Variants in PSD3 observed in about 807,000 individuals in gnomAD.
PSD3 encodes PH and SEC7 domain-containing protein 3.
In PSD3, 49 loss-of-function variants were observed where a neutral mutation model predicts 105.5. The ratio of observed to expected loss-of-function variants is 0.46; its 90% CI spans 0.37 to 0.59. The LOEUF (loss-of-function observed/expected upper bound fraction) is 0.59. Among genes scored for constraint, PSD3 ranks in the 20% least tolerant of loss-of-function variants. The pLI is 0.00. For missense variants in PSD3, 1,561 were observed against 1,263.8 expected, an observed-to-expected ratio of 1.24 and a Z score of -3.57; for synonymous variants, 557 against 457.8, an observed-to-expected ratio of 1.22 and a Z score of -2.77.
chr8:18,827,061 C>A (rs1253234802), intron 4 of PSD3, among the ~76,000 whole-genome samples: 1 of 152,158 alleles, frequency 6.6e-6, no homozygotes, highest in African/African-American at 2.4e-5. Context: ...AAGAGGAAAA[C>A]AAAGTTCTCT....
At chr8:19,013,012 A>C (rs927970949) in intron 1 of PSD3, among the ~76,000 whole-genome samples, 2 of 150,768 alleles carry the variant, frequency 1.3e-5, no homozygotes, top group African/African-American at 4.9e-5. Context: ...TAATGTGTTT[A>C]AAAAAAAAAT....
Position 18,904,311 on chromosome 8 carries a change from T to C in PSD3, c.131-31578A>G, listed in dbSNP as rs532613629. Among the ~76,000 whole-genome samples the C allele has an allele frequency of 7.2e-5, 11 of 152,286 alleles. 1 individual carries two copies. The East Asian group carries it at 1.9e-3, about 27-fold the overall frequency. ...GGGATCAACCTTATAGACCCCAGGA[T>C]TGTACAGCCACTGCCAGTGTGCACT... is the stretch of plus-strand genomic sequence containing the variant. On this transcript the variant is annotated intron_variant, in intron 2 of 15. Coordinates refer to ENST00000327040, the MANE Select transcript of PSD3 (RefSeq NM_015310.4).
chr8:18,552,324 G>A (rs1380968090), intron 15 of PSD3, among the ~76,000 whole-genome samples: 2 of 152,142 alleles, frequency 1.3e-5, no homozygotes, highest in Non-Finnish European at 2.9e-5. Context: ...CATCTTAAAC[G>A]TTGCATCTGT....
At chr8:19,006,731 A>G (rs1440700995) in intron 1 of PSD3, among the ~76,000 whole-genome samples, 1 of 151,976 alleles carries the variant, frequency 6.6e-6, no homozygotes, top group African/African-American at 2.4e-5. Context: ...TCACTTACCT[A>G]TCTTTAAAAC....
intron 2 of PSD3, among the ~76,000 whole-genome samples, chr8:18,893,675 T>C (rs537112174): frequency 2.6e-5 from 4 of 151,346 alleles, no homozygotes; most frequent in African/African-American, 9.7e-5. Context: ...AGCACATCCA[T>C]GTGCTAGAGG....
At chr8:18,542,766 CTT>C (rs201283808) in intron 15 of PSD3, among the ~76,000 whole-genome samples, 2,216 of 152,262 alleles carry the variant, frequency 0.015, 50 homozygotes, top group African/African-American at 0.051. Context: ...GTTGTTTAGT[CTT>C]CATAATGTAG....
At chr8:18,932,792 C>T (rs367730968) in intron 2 of PSD3, among the ~76,000 whole-genome samples, 15 of 152,328 alleles carry the variant, frequency 9.8e-5, no homozygotes, top group African/African-American at 3.1e-4. Context: ...CCAGGCTAGT[C>T]TTCCCCAGTT....
At chr8:18,934,541 G>C (rs1170200435) in intron 2 of PSD3, among the ~76,000 whole-genome samples, 1 of 152,090 alleles carries the variant, frequency 6.6e-6, no homozygotes, top group Non-Finnish European at 1.5e-5. Flanking sequence ...CTCCCGAGTA[G>C]CTGTGACTAC....
At chr8:19,063,178 G>C (rs1015352634) in intron 1 of PSD3, among the ~76,000 whole-genome samples, 5 of 152,202 alleles carry the variant, frequency 3.3e-5, no homozygotes, top group African/African-American at 1.2e-4. Flanking sequence ...AAACACTGTA[G>C]TTTCTGAATA....
At chr8:18,908,600 A>G (rs924143174) in intron 2 of PSD3, among the ~76,000 whole-genome samples, 4 of 152,176 alleles carry the variant, frequency 2.6e-5, no homozygotes, top group Non-Finnish European at 5.9e-5. Flanking sequence ...CATCTCAAAC[A>G]GTCTGTCTCC....
intron 4 of PSD3, among the ~76,000 whole-genome samples, chr8:18,844,599 GA>G (rs201515416): frequency 1.3e-5 from 2 of 150,344 alleles, no homozygotes; most frequent in African/African-American, 2.4e-5. Flanking sequence ...TGCTAAAAAA[GA>G]AAAAAAAATC....
At chr8:18,860,207 C>T (rs570408941) in intron 4 of PSD3, among the ~76,000 whole-genome samples, 22 of 152,154 alleles carry the variant, frequency 1.4e-4, no homozygotes, top group African/African-American at 5.1e-4. Context: ...AATCGGAACA[C>T]ACAAAACTTA....
In PSD3 at chr8:18,638,632, A is replaced by C. The variant is rs181337559; in HGVS notation, c.2217-5826T>G. ...ACCGTAAAACATTGAAAAATTCACA[A>C]ATCAATGGAGAAAAAAATCCCATGT... On this transcript the variant is annotated intron_variant, in intron 10 of 15. Transcript: ENST00000327040. Among the ~76,000 whole-genome samples the C allele has an allele frequency of 2.5e-4, 38 of 152,296 alleles. No individual in the cohort carries two copies. The East Asian group carries it at 6.0e-3, about 24-fold the overall frequency.
intron 9 of PSD3, chr8:18,683,649 G>A (rs1800502686): frequency 1.6e-6 from 1 of 633,702 alleles, no homozygotes; most frequent in Admixed American, 2.2e-5. Context: ...GATTCTCTTA[G>A]AACCATTTTA....
chr8:18,752,577 TTA>T (rs1250287198), intron 9 of PSD3, among the ~76,000 whole-genome samples: 9 of 74,524 alleles, frequency 1.2e-4, no homozygotes, highest in Middle Eastern at 4.9e-3. Flanking sequence ...ATATATATAA[TTA>T]TATATATTAT....
intron 10 of PSD3, among the ~76,000 whole-genome samples, chr8:18,650,244 T>C (rs1415388505): frequency 1.3e-5 from 2 of 152,216 alleles, no homozygotes; most frequent in African/African-American, 4.8e-5. Flanking sequence ...CAACATAAGA[T>C]ATAAACTCCC....
chr8:19,060,725 G>C (rs1281700638), intron 1 of PSD3, among the ~76,000 whole-genome samples: 1 of 152,170 alleles, frequency 6.6e-6, no homozygotes. Flanking sequence ...TTCTTCCACT[G>C]TTATACCTGT....
At chr8:18,999,773 C>A (rs926847778) in intron 1 of PSD3, among the ~76,000 whole-genome samples, 16 of 151,410 alleles carry the variant, frequency 1.1e-4, no homozygotes, top group Admixed American at 8.5e-4. Flanking sequence ...ATGGAATTAC[C>A]ATTATCTTTC....
At chr8:18,554,469 T>C (rs891486583) in intron 15 of PSD3, among the ~76,000 whole-genome samples, 2 of 152,212 alleles carry the variant, frequency 1.3e-5, no homozygotes, top group Non-Finnish European at 2.9e-5. Flanking sequence ...TTTACCAAAA[T>C]AAATAGTTCT....
Sources: allele counts gnomAD v4.1 joint callset (sites outside exome capture counted in the v4.1 genomes callset), GRCh38; gene constraint gnomAD v4.1.1; transcripts MANE v1.5; gene names NCBI Gene and HGNC (gene_info 2026-07-23, HGNC 2026-07-21).